Variants in ASIC2 observed in about 807,000 individuals in gnomAD.
ASIC2 encodes the protein acid-sensing ion channel 2.
Under a neutral mutation model 57.3 loss-of-function variants are expected in ASIC2, and 25 were observed. That is an observed-to-expected ratio of 0.44 (90% CI 0.32 to 0.61). ASIC2 has a LOEUF of 0.61. ASIC2 is among the 20% of genes least tolerant of loss of function. The pLI, the probability that ASIC2 is intolerant of heterozygous loss-of-function variation, is 0.06. For missense variants in ASIC2, 641 were observed against 738.1 expected, an observed-to-expected ratio of 0.87 and a Z score of 1.52; for synonymous variants, 319 against 307.5, an observed-to-expected ratio of 1.04 and a Z score of -0.39.
chr17:34,149,957 AG>A, intron 1 of ASIC2, among the ~76,000 whole-genome samples: 1 of 152,378 alleles, frequency 6.6e-6, no homozygotes, highest in Non-Finnish European at 1.5e-5. Flanking sequence ...TTGCAGCACT[AG>A]TCACAAAAGC....
intron 1 of ASIC2, among the ~76,000 whole-genome samples, chr17:33,425,434 G>C (rs1053452969): frequency 6.6e-6 from 1 of 152,154 alleles, no homozygotes; most frequent in Admixed American, 6.5e-5. Context: ...CATAATAGTT[G>C]GGGGAAAGTG....
chr17:33,171,963 C>T (rs184843989), intron 1 of ASIC2, among the ~76,000 whole-genome samples: 1 of 152,330 alleles, frequency 6.6e-6, no homozygotes, highest in African/African-American at 2.4e-5. Flanking sequence ...TTTCTCTCCT[C>T]ACACACTTTC....
intron 1 of ASIC2, among the ~76,000 whole-genome samples, chr17:33,956,715 C>T (rs1187907041): frequency 6.6e-6 from 1 of 152,230 alleles, no homozygotes; most frequent in Non-Finnish European, 1.5e-5. Context: ...TCAATGCCTG[C>T]CCCTACCCCA....
chr17:34,010,614 C>T (rs930141285), intron 1 of ASIC2, among the ~76,000 whole-genome samples: 10 of 152,008 alleles, frequency 6.6e-5, no homozygotes, highest in African/African-American at 2.4e-4. Flanking sequence ...CACAGATACG[C>T]ACAAACATAC....
chr17:33,675,989 G>C (rs978433827), intron 1 of ASIC2, among the ~76,000 whole-genome samples: 21 of 152,288 alleles, frequency 1.4e-4, no homozygotes, highest in African/African-American at 4.8e-4. Flanking sequence ...TTTTCCAACA[G>C]CTGTCTCTAT....
intron 1 of ASIC2, among the ~76,000 whole-genome samples, chr17:33,656,205 A>G (rs1383077283): frequency 6.6e-6 from 1 of 152,144 alleles, no homozygotes; most frequent in East Asian, 1.9e-4. Context: ...AAATGACTTA[A>G]ATCTTCAACA....
intron 1 of ASIC2, among the ~76,000 whole-genome samples, chr17:34,086,315 G>A (rs1347984638): frequency 6.6e-6 from 1 of 152,128 alleles, no homozygotes; most frequent in African/African-American, 2.4e-5. Context: ...TCATTCAGGA[G>A]CAGGTTGTTC....
At chr17:33,717,722 C>T (rs1909265696) in intron 1 of ASIC2, among the ~76,000 whole-genome samples, 1 of 152,146 alleles carries the variant, frequency 6.6e-6, no homozygotes, top group South Asian at 2.1e-4. Context: ...CCCAACAGTC[C>T]TCTCTGAGCT....
chr17:33,144,830 C>T (rs1445495721), intron 1 of ASIC2, among the ~76,000 whole-genome samples: 1 of 152,130 alleles, frequency 6.6e-6, no homozygotes, highest in Non-Finnish European at 1.5e-5. Flanking sequence ...CCCTACCCTT[C>T]CAGAAAACTC....
chr17:33,998,214 T>C (rs767736349), intron 1 of ASIC2, among the ~76,000 whole-genome samples: 7 of 152,172 alleles, frequency 4.6e-5, no homozygotes, highest in Non-Finnish European at 8.8e-5. Flanking sequence ...ATCCTTTGTA[T>C]TTCTGCAGTA....
At chr17:33,633,812 C>T (rs764357376) in intron 1 of ASIC2, among the ~76,000 whole-genome samples, 4 of 152,168 alleles carry the variant, frequency 2.6e-5, no homozygotes, top group Admixed American at 6.5e-5. Context: ...CTGACACAAT[C>T]GGGCTTTTAC....
intron 1 of ASIC2, among the ~76,000 whole-genome samples, chr17:33,887,640 G>T (rs895956017): frequency 4.6e-5 from 7 of 152,114 alleles, no homozygotes; most frequent in African/African-American, 1.4e-4. Context: ...ATTTCTAGAA[G>T]ATTTAAGTGT....
At chr17:33,368,003 C>T (rs368297428) in intron 1 of ASIC2, among the ~76,000 whole-genome samples, 3 of 152,160 alleles carry the variant, frequency 2.0e-5, no homozygotes, top group Non-Finnish European at 4.4e-5. Flanking sequence ...AGAAGTTGGA[C>T]AAGATGGTAG....
intron 1 of ASIC2, among the ~76,000 whole-genome samples, chr17:33,527,086 T>C (rs988411750): frequency 1.3e-5 from 2 of 152,212 alleles, no homozygotes; most frequent in Non-Finnish European, 2.9e-5. Context: ...GCGCCCTGTG[T>C]GCCTACTTCC....
intron 1 of ASIC2, among the ~76,000 whole-genome samples, chr17:33,977,366 G>A (rs187044620): frequency 1.1e-4 from 16 of 152,318 alleles, no homozygotes; most frequent in East Asian, 7.7e-4. Context: ...TGCCTGCATC[G>A]TGGCAGTGGT....
chr17:33,405,293 A>T (rs1273574765), intron 1 of ASIC2, among the ~76,000 whole-genome samples: 2 of 152,088 alleles, frequency 1.3e-5, no homozygotes, highest in Non-Finnish European at 2.9e-5. Flanking sequence ...ATGGGATTAG[A>T]AAAAAGGGAC....
At chr17:33,038,317 C>G (rs949998430) in intron 3 of ASIC2, among the ~76,000 whole-genome samples, 8 of 152,190 alleles carry the variant, frequency 5.3e-5, no homozygotes, top group African/African-American at 1.9e-4. Flanking sequence ...CTAAACAGGC[C>G]AGCAAATCTC....
intron 3 of ASIC2, among the ~76,000 whole-genome samples, chr17:33,080,840 G>C (rs143544102): frequency 2.0e-4 from 31 of 152,258 alleles, no homozygotes; most frequent in African/African-American, 7.2e-4. Context: ...TCACGTCCTG[G>C]GTGGGATGAA....
intron 1 of ASIC2, among the ~76,000 whole-genome samples, chr17:34,146,549 G>A (rs1912422823): frequency 6.6e-6 from 1 of 152,202 alleles, no homozygotes; most frequent in South Asian, 2.1e-4. Flanking sequence ...GGGAAACACT[G>A]AGTGTAAACT....
Sources: allele counts gnomAD v4.1 joint callset (sites outside exome capture counted in the v4.1 genomes callset), GRCh38; gene constraint gnomAD v4.1.1; transcripts MANE v1.5; gene names NCBI Gene and HGNC (gene_info 2026-07-23, HGNC 2026-07-21).